The following C9orf40 variants were observed in gnomAD, a reference collection of about 807,000 sequenced individuals.
The protein encoded by C9orf40 is chromosome 9 open reading frame 40, also known as uncharacterized protein C9orf40.
C9orf40 carries 2 observed loss-of-function variants against 7.9 expected under a neutral mutation model. That is an observed-to-expected ratio of 0.25 (90% CI 0.10 to 0.80). C9orf40 has a LOEUF of 0.80. Ranked by LOEUF, C9orf40 falls within the 30% of genes least tolerant of loss-of-function variation. C9orf40 has a pLI of 0.68. For synonymous variants in C9orf40, 113 were observed against 117.6 expected (o/e 0.96, Z 0.25); for missense variants, 256 against 268.5 (o/e 0.95, Z 0.33).
In C9orf40 at chr9:74,946,854, A is replaced by C. The variant is rs748836716; in HGVS notation, c.*1194T>G. The C allele has an allele frequency of 3.3e-5, 5 of 152,280 alleles. No individual in the cohort carries two copies. The highest frequency in any genetic ancestry group is 6.8e-3 in the Middle Eastern group (2 of 294). The allele number at this position is 152,280 out of a possible 1,614,324, so 9.4% of individuals were successfully genotyped here. On this transcript the variant is annotated 3_prime_UTR_variant, in exon 2 of 2. Transcript: ENST00000376854. The stretch of plus-strand genomic sequence containing the variant: ...CCATTTGTCTTGAATTTTGGATCTA[A>C]TGTCATCAACAACAAAAAATGCAAG...
Position 74,952,851 on chromosome 9 carries a change from T to C in C9orf40, c.-240A>G. 1 of 472,994 alleles carries C rather than the reference T, an allele frequency of 2.1e-6. No homozygotes were observed. The highest frequency in any genetic ancestry group is 2.1e-5 in the African/African-American group (1 of 48,780). The allele number at this position is 472,994 out of a possible 1,614,324, so 29.3% of individuals were successfully genotyped here. A position where few individuals can be genotyped will look rare whatever the true frequency, so the allele number is the denominator to read the frequency against. ...CGCCGCCGAGATGCGGCCCGGACGT[T>C]GAGAAGCAACCGCGAAGCGGCGGAG... On this transcript the variant is annotated 5_prime_UTR_variant, in exon 1 of 2. Coordinates refer to ENST00000376854, the MANE Select transcript of C9orf40 (RefSeq NM_017998.3). The surrounding 1 kb of genome is among the most constrained non-coding windows in gnomAD (Gnocchi z 5.4).
rs887706237 is a variant in C9orf40 at position 74,946,949 on chromosome 9, T to C, written c.*1099A>G. On this transcript the variant is annotated 3_prime_UTR_variant, in exon 2 of 2. Coordinates refer to ENST00000376854, the MANE Select transcript of C9orf40 (RefSeq NM_017998.3). Reference sequence around the variant, plus strand: ...TACAAAAGTTAGTTAACTTAATCACTGATACTCACATCACAAATTGCTTAC... The same window carrying C: ...TACAAAAGTTAGTTAACTTAATCACCGATACTCACATCACAAATTGCTTAC... 1 of 152,212 alleles carries C rather than the reference T, an allele frequency of 6.6e-6. No individual in the cohort carries two copies. Among genetic ancestry groups the C allele is most frequent in the African/African-American group, 2.4e-5 (1 of 41,456 alleles). The allele number at this position is 152,212 out of a possible 1,614,324, so 9.4% of individuals were successfully genotyped here.
intron 1 of C9orf40, among the ~76,000 whole-genome samples, chr9:74,948,865 G>A (rs1312924360): frequency 2.0e-5 from 3 of 151,900 alleles, no homozygotes; most frequent in Admixed American, 6.6e-5. Context: ...AAGTTTTGGG[G>A]GAATTTCTTA....
In C9orf40 at chr9:74,952,162, A is replaced by G. The variant is rs1164591624; in HGVS notation, c.426+24T>C. ...GAAAAGGCAAGCCCCTTCGCCCCTCAGCCCACCCGCCCCCAGCCCCTACCT... is the reference window on the plus strand; with the variant it reads ...GAAAAGGCAAGCCCCTTCGCCCCTCGGCCCACCCGCCCCCAGCCCCTACCT... On this transcript the variant is annotated intron_variant, in intron 1 of 1. Coordinates refer to ENST00000376854, the MANE Select transcript of C9orf40 (RefSeq NM_017998.3). The surrounding 1 kb of genome is among the most constrained non-coding windows in gnomAD (Gnocchi z 5.4). The G allele has an allele frequency of 7.5e-6, 3 of 399,306 alleles. No individual in the cohort carries two copies. Among genetic ancestry groups the G allele is most frequent in the South Asian group, 1.9e-4 (2 of 10,464 alleles). 24.7% of individuals were successfully genotyped at this position (399,306 alleles called of 1,614,324 possible).
At chr9:74,949,631 G>A (rs908338442) in intron 1 of C9orf40, among the ~76,000 whole-genome samples, 5 of 152,138 alleles carry the variant, frequency 3.3e-5, no homozygotes, top group African/African-American at 9.7e-5. Context: ...GGTGAGGGCT[G>A]GGACTTAAGC....
Position 74,947,791 on chromosome 9 carries a change from G to A in C9orf40, c.*257C>T. ...TATAAGATCAGTACCTTCAATTCTA[G>A]AATTTAAACAAAACTTTTTGCTCTA... is the stretch of plus-strand genomic sequence containing the variant. On this transcript the variant is annotated 3_prime_UTR_variant, in exon 2 of 2. Transcript: ENST00000376854. 3.5e-6 allele frequency: 1 copy of A among 282,476 alleles called. No individual in the cohort carries two copies. The highest frequency in any genetic ancestry group is 6.5e-6 in the Non-Finnish European group (1 of 153,652). 17.5% of individuals were successfully genotyped at this position (282,476 alleles called of 1,614,324 possible). A position where few individuals can be genotyped will look rare whatever the true frequency, so the allele number is the denominator to read the frequency against.
chr9:74,952,701 G>A lies in C9orf40; in HGVS notation c.-90C>T, dbSNP rs1390377123. On this transcript the variant is annotated 5_prime_UTR_variant, in exon 1 of 2. Transcript: ENST00000376854. This position sits in a 1 kb window ranked among gnomAD's most constrained non-coding sequence, Gnocchi z 5.4. ...CGAAGAGCGAGGACTGAGCGCGTGAGAGAGGGACAGGCCGAAGTCGGGCGA... is the reference window on the plus strand; with the variant it reads ...CGAAGAGCGAGGACTGAGCGCGTGAAAGAGGGACAGGCCGAAGTCGGGCGA... 2 of 1,259,614 alleles carry A rather than the reference G, an allele frequency of 1.6e-6. No homozygotes were observed. The highest frequency in any genetic ancestry group is 1.5e-5 in the African/African-American group (1 of 64,578). The allele number at this position is 1,259,614 out of a possible 1,614,324, so 78.0% of individuals were successfully genotyped here.
At chr9:74,950,232 G>T (rs559316286) in intron 1 of C9orf40, among the ~76,000 whole-genome samples, 1 of 152,246 alleles carries the variant, frequency 6.6e-6, no homozygotes, top group African/African-American at 2.4e-5. Flanking sequence ...AGAGCTGCCA[G>T]ATCTAGTTAC....
intron 1 of C9orf40, among the ~76,000 whole-genome samples, chr9:74,951,791 G>A (rs1441623352): frequency 6.6e-6 from 1 of 152,148 alleles, no homozygotes; most frequent in Non-Finnish European, 1.5e-5. Context: ...ACTAATCATC[G>A]TTAAACCCAG....
chr9:74,952,187 TG>T lies in C9orf40; in HGVS notation c.424del (p.Gln142SerfsTer30). 8.1e-6 allele frequency: 1 copy of T among 123,650 alleles called. No individual in the cohort carries two copies. The highest frequency in any genetic ancestry group is 1.3e-5 in the Non-Finnish European group (1 of 77,956). The allele number at this position is 123,650 out of a possible 1,614,324, so 7.7% of individuals were successfully genotyped here. On this transcript the variant is annotated frameshift_variant and splice_region_variant, in exon 1 of 2. Transcript: ENST00000376854. LOFTEE classifies it high-confidence loss of function. This position sits in a 1 kb window ranked among gnomAD's most constrained non-coding sequence, Gnocchi z 5.4. ...AGCCCACCCGCCCCCAGCCCCTACC[TG>T]GCGCGATGCGACCCCCCAGTCTCCC... ...PRGDWGVASR[Q>X]HNEEFWQYNT...
At chr9:74,950,594 A>G (rs996119447) in intron 1 of C9orf40, among the ~76,000 whole-genome samples, 4 of 128,206 alleles carry the variant, frequency 3.1e-5, no homozygotes, top group Non-Finnish European at 6.5e-5. Flanking sequence ...CAACCATAGG[A>G]AAAAAAAAAA....
At position 74,948,162 on chromosome 9, in the gene C9orf40, C is replaced by T; in HGVS notation, c.471G>A (p.Arg157=). Residue 157 remains arginine (R), a synonymous_variant, in exon 2 of 2, where the codon AGG becomes AGA. Coordinates refer to ENST00000376854, the MANE Select transcript of C9orf40 (RefSeq NM_017998.3). ...CCAGATCAATAGGAGGCAAAGGATT[C>T]CTCCAGTACTGGAAGGTATTATACT... The part of the protein sequence containing the change: ...FWQYNTFQYW[R]NPLPPIDLAD... 6.2e-7 allele frequency: 1 copy of T among 1,613,582 alleles called. No individual in the cohort carries two copies. Among genetic ancestry groups the T allele is most frequent in the Non-Finnish European group, 8.5e-7 (1 of 1,179,550 alleles).
At chr9:74,948,382 G>A (rs1214868803) in intron 1 of C9orf40, among the ~76,000 whole-genome samples, 176 bp from the exon 2 acceptor site, 6 of 151,860 alleles carry the variant, frequency 4.0e-5, no homozygotes, top group Non-Finnish European at 5.9e-5. Context: ...TCATGTACTC[G>A]ATGAAATCTG....
intron 1 of C9orf40, among the ~76,000 whole-genome samples, chr9:74,948,521 T>G (rs1832266228): frequency 6.6e-6 from 1 of 152,142 alleles, no homozygotes; most frequent in African/African-American, 2.4e-5. Context: ...GTCTTAAAAT[T>G]TTTTATCTTT....
Position 74,952,555 on chromosome 9 carries a change from G to A in C9orf40, c.57C>T (p.Leu19=), listed in dbSNP as rs1340282363. 2.5e-6 allele frequency: 4 copies of A among 1,588,086 alleles called. No homozygotes were observed. The South Asian group carries it at 3.4e-5, about 13-fold the overall frequency. Residue 19 remains leucine, a synonymous_variant, in exon 1 of 2, where the codon CTC becomes CTT. Transcript: ENST00000376854. This position sits in a 1 kb window ranked among gnomAD's most constrained non-coding sequence, Gnocchi z 5.4. ...PVTFHVPWKR[L]LLCDFAEQPP... The stretch of plus-strand genomic sequence containing the variant: ...GCTGCTCAGCGAAGTCGCAAAGCAG[G>A]AGCCGCTTCCAAGGCACGTGGAACG...
intron 1 of C9orf40, 22 bp from the exon 2 acceptor site, chr9:74,948,228 C>A (rs1233577678): frequency 2.6e-6 from 4 of 1,562,700 alleles, no homozygotes; most frequent in South Asian, 2.4e-5. Context: ...AAAGAGAGAT[C>A]AAAGAGCATC....
chr9:74,948,259 GT>G, intron 1 of C9orf40, 53 bp from the exon 2 acceptor site: 1 of 1,354,660 alleles, frequency 7.4e-7, no homozygotes, highest in Non-Finnish European at 1.0e-6. Context: ...AAAAAATTAA[GT>G]TTTTTTCAGA....
At position 74,952,720 on chromosome 9, in the gene C9orf40, C is replaced by T. The variant is rs1832322313; in HGVS notation, c.-109G>A. ...GCGTGAGAGAGGGACAGGCCGAAGT[C>T]GGGCGAGGAGGCGACAGGACGCTGG... is the stretch of plus-strand genomic sequence containing the variant. On this transcript the variant is annotated 5_prime_UTR_variant, in exon 1 of 2. Coordinates refer to ENST00000376854, the MANE Select transcript of C9orf40 (RefSeq NM_017998.3). The surrounding 1 kb of genome is among the most constrained non-coding windows in gnomAD (Gnocchi z 5.4). 7 of 1,076,992 alleles carry T rather than the reference C, an allele frequency of 6.5e-6. No individual in the cohort carries two copies. Among genetic ancestry groups the T allele is most frequent in the African/African-American group, 5.0e-5 (3 of 60,510 alleles). The allele number at this position is 1,076,992 out of a possible 1,614,324, so 66.7% of individuals were successfully genotyped here.
rs991796110 is a variant in C9orf40, at chr9:74,952,790, T to G, written c.-179A>C. On this transcript the variant is annotated 5_prime_UTR_variant, in exon 1 of 2. Coordinates refer to ENST00000376854, the MANE Select transcript of C9orf40 (RefSeq NM_017998.3). This position sits in a 1 kb window ranked among gnomAD's most constrained non-coding sequence, Gnocchi z 5.4. The stretch of plus-strand genomic sequence containing the variant: ...CTCGCGCAGGGCCTAGGGCTGGGGC[T>G]CCGGCTCGGAGGCAGCTCCCGCGCT... 4 of 538,972 alleles carry G rather than the reference T, an allele frequency of 7.4e-6. No individual in the cohort carries two copies. The South Asian group carries it at 1.1e-4, about 14-fold the overall frequency. 33.4% of individuals were successfully genotyped at this position (538,972 alleles called of 1,614,324 possible).
Sources: allele counts gnomAD v4.1 joint callset (sites outside exome capture counted in the v4.1 genomes callset), GRCh38; gene constraint gnomAD v4.1.1; non-coding constraint Gnocchi (gnomAD v3.1); transcripts MANE v1.5; gene names NCBI Gene and HGNC (gene_info 2026-07-23, HGNC 2026-07-21).